The following AP1B1 variants were observed in gnomAD, a reference collection of about 807,000 sequenced individuals.
The protein encoded by AP1B1 is adaptor related protein complex 1 subunit beta 1, also known as AP-1 complex subunit beta-1.
AP1B1 carries 36 observed loss-of-function variants against 104.3 expected under a neutral mutation model. The ratio of observed to expected loss-of-function variants is 0.35; its 90% CI spans 0.26 to 0.46. The LOEUF (loss-of-function observed/expected upper bound fraction) is 0.46. Among genes scored for constraint, AP1B1 ranks in the 20% least tolerant of loss-of-function variants. The pLI is 1.00. For synonymous variants in AP1B1, 504 were observed against 517.5 expected, an observed-to-expected ratio of 0.97 and a Z score of 0.35; for missense variants, 901 against 1,247.9, an observed-to-expected ratio of 0.72 and a Z score of 4.19.
rs1229494348 is a variant in AP1B1, at chr22:29,330,252, C to A, written c.2766+126G>T. 6 of 1,516,656 alleles carry A rather than the reference C, an allele frequency of 4.0e-6. No individual in the cohort carries two copies. In the Admixed American group the frequency reaches 1.2e-4, roughly 31 times the overall value. 93.9% of individuals were successfully genotyped at this position (1,516,656 alleles called of 1,614,324 possible). On this transcript the variant is annotated intron_variant, in intron 21 of 22. Coordinates refer to ENST00000357586, the MANE Select transcript of AP1B1 (RefSeq NM_001127.4). ...TTTCTAGAAAGGTCCTTCTCAGGGA[C>A]CAAACTGATTCTAGTTCAAGCCAGG...
At chr22:29,351,307 G>A (rs770404013) in intron 8 of AP1B1, 41 bp from the exon 9 acceptor site, 29 of 1,594,110 alleles carry the variant, frequency 1.8e-5, no homozygotes, top group Non-Finnish European at 2.3e-5. Context: ...GGCACCTGAT[G>A]GGGCAATCTG....
intron 11 of AP1B1, among the ~76,000 whole-genome samples, chr22:29,345,716 G>C (rs1447791339): frequency 5.3e-5 from 8 of 152,066 alleles, no homozygotes; most frequent in East Asian, 1.9e-4. Context: ...ATGGAGTCTT[G>C]GTCTGTTGCC....
chr22:29,338,494 C>T (rs1265230029), intron 16 of AP1B1, among the ~76,000 whole-genome samples: 1 of 152,200 alleles, frequency 6.6e-6, no homozygotes, highest in Non-Finnish European at 1.5e-5. Context: ...CACTTGTATT[C>T]TCTCCCTTTT....
Position 29,331,459 on chromosome 22 carries a change from G to A in AP1B1, c.2514C>T (p.Asp838=), listed in dbSNP as rs777834437. 8.7e-6 allele frequency: 14 copies of A among 1,614,106 alleles called. No homozygotes were observed. Among genetic ancestry groups the A allele is most frequent in the East Asian group, 2.2e-5 (1 of 44,878 alleles). Residue 838 remains aspartate, a synonymous_variant, in exon 19 of 23, where the codon GAC becomes GAT. Transcript: ENST00000357586. ...LYPLHILFVE[D]GKMDRQMFLA... ...TCCCTCATGACTCACCCATCTTCCC[G>A]TCCTCCACAAAGAGGATGTGCAGTG...
intron 1 of AP1B1, among the ~76,000 whole-genome samples, chr22:29,380,441 T>C (rs1187083859): frequency 2.6e-4 from 40 of 152,222 alleles, no homozygotes; most frequent in Non-Finnish European, 1.0e-4. Flanking sequence ...ACTGTGTAAC[T>C]GACATCTCCA....
chr22:29,335,260 G>C (rs751529975), intron 16 of AP1B1, among the ~76,000 whole-genome samples: 1 of 152,160 alleles, frequency 6.6e-6, no homozygotes, highest in Non-Finnish European at 1.5e-5. Flanking sequence ...CTCTCAGGCG[G>C]TTACTCTCCT....
At chr22:29,338,161 A>ATGT (rs2061664713) in intron 16 of AP1B1, among the ~76,000 whole-genome samples, 1 of 152,006 alleles carries the variant, frequency 6.6e-6, no homozygotes, top group Non-Finnish European at 1.5e-5. Context: ...GGGGACAACC[A>ATGT]CCCCACAACA....
chr22:29,375,720 C>T (rs1276474036), intron 1 of AP1B1, among the ~76,000 whole-genome samples: 1 of 152,182 alleles, frequency 6.6e-6, no homozygotes, highest in African/African-American at 2.4e-5. Flanking sequence ...GGGCAACTAC[C>T]CCCATCTCTG....
chr22:29,356,448 T>C lies in AP1B1; in HGVS notation c.694A>G (p.Lys232Glu), dbSNP rs1280198471. ...ILDCLANYMP[K>E]DDREAQSICE... ...CACCTCTGGGCCTCGCGGTCGTCCT[T>C]GGGCATATAGTTGGCGAGGCAGTCC... is the stretch of plus-strand genomic sequence containing the variant. The change falls in exon 6 of 23, where the codon AAG becomes GAG. Residue 232 changes from lysine (K) to glutamate (E), a missense_variant. Coordinates refer to ENST00000357586, the MANE Select transcript of AP1B1 (RefSeq NM_001127.4). 6.2e-7 allele frequency: 1 copy of C among 1,613,982 alleles called. No homozygotes were observed. Among genetic ancestry groups the C allele is most frequent in the African/African-American group, 1.3e-5 (1 of 74,940 alleles).
Position 29,334,531 on chromosome 22 carries a change from C to A in AP1B1, c.2164-121G>T. ...TGCAGGGGCCTCCCAGATCCAGCACCCCCACCTTTACTGCTAGGGGATGAA... is the reference window on the plus strand; with the variant it reads ...TGCAGGGGCCTCCCAGATCCAGCACACCCACCTTTACTGCTAGGGGATGAA... On this transcript the variant is annotated intron_variant, in intron 16 of 22. Transcript: ENST00000357586. 3.6e-6 allele frequency: 4 copies of A among 1,121,508 alleles called. No individual in the cohort carries two copies. In the South Asian group the frequency reaches 6.6e-5, roughly 18 times the overall value. 69.5% of individuals were successfully genotyped at this position (1,121,508 alleles called of 1,614,324 possible).
At chr22:29,370,471 A>G (rs962600490) in intron 1 of AP1B1, 1 of 150,260 alleles carries the variant, frequency 6.7e-6, no homozygotes, top group Admixed American at 6.6e-5. Context: ...AAAAAAAAAG[A>G]AAGAAAGAAA....
At chr22:29,348,060 T>C (rs1375645183) in intron 11 of AP1B1, among the ~76,000 whole-genome samples, 3 of 152,208 alleles carry the variant, frequency 2.0e-5, no homozygotes, top group East Asian at 3.8e-4. Context: ...ATTTACAGAG[T>C]ATGCTACAGC....
intron 6 of AP1B1, 38 bp from the exon 7 acceptor site, chr22:29,354,909 A>G: frequency 6.4e-7 from 1 of 1,559,242 alleles, no homozygotes; most frequent in African/African-American, 1.4e-5. Flanking sequence ...AACAGGAAAG[A>G]CAAGGGGAAA....
intron 1 of AP1B1, among the ~76,000 whole-genome samples, chr22:29,380,939 A>G (rs1282161764): frequency 6.6e-6 from 1 of 152,180 alleles, no homozygotes; most frequent in African/African-American, 2.4e-5. Flanking sequence ...GTCCTATAAG[A>G]GATGCATGCC....
intron 15 of AP1B1, 82 bp downstream of exon 15, chr22:29,339,672 G>T: frequency 1.4e-6 from 2 of 1,472,008 alleles, no homozygotes. Flanking sequence ...GACATCACCC[G>T]CCCCCGCCCC....
intron 16 of AP1B1, among the ~76,000 whole-genome samples, chr22:29,336,722 T>G (rs2061642951): frequency 6.6e-6 from 1 of 150,706 alleles, no homozygotes; most frequent in South Asian, 2.1e-4. Context: ...AAGAATCGCT[T>G]GAACCCCGGA....
At chr22:29,340,380 C>A (rs9625764) in intron 14 of AP1B1, among the ~76,000 whole-genome samples, 4,247 of 152,236 alleles carry the variant, frequency 0.028, 189 homozygotes, top group African/African-American at 0.096. Context: ...GCCTCCCTGC[C>A]CAGGGTCTCC....
intron 1 of AP1B1, among the ~76,000 whole-genome samples, chr22:29,380,947 G>A (rs924392020): frequency 6.6e-6 from 1 of 152,104 alleles, no homozygotes; most frequent in Admixed American, 6.5e-5. Flanking sequence ...AGAGATGCAT[G>A]CCCCTCCTCT....
chr22:29,339,673 C>A, intron 15 of AP1B1, 81 bp downstream of exon 15: 7 of 1,487,770 alleles, frequency 4.7e-6, no homozygotes, highest in East Asian at 2.4e-5. Flanking sequence ...ACATCACCCG[C>A]CCCCGCCCCT....
Sources: gnomAD v4.1 joint callset for allele counts (sites outside exome capture counted in the v4.1 genomes callset) on GRCh38, gnomAD v4.1.1 for gene constraint, MANE v1.5 for transcripts, NCBI Gene and HGNC (gene_info 2026-07-23, HGNC 2026-07-21) for gene names.